UTRN: variants seen among roughly 807,000 people sequenced by gnomAD.
UTRN encodes dystrophin-related protein 1.
Under a neutral mutation model 463.9 loss-of-function variants are expected in UTRN, and 283 were observed. That is an observed-to-expected ratio of 0.61 (90% CI 0.55 to 0.67). The LOEUF is 0.67. Among genes scored for constraint, UTRN ranks in the 30% least tolerant of loss-of-function variants. UTRN has a pLI of 0.00. For synonymous variants in UTRN, 1,442 were observed against 1,431.5 expected (o/e 1.01, Z -0.17); for missense variants, 3,922 against 4,084.3 (o/e 0.96, Z 1.08).
chr6:144,657,502 C>G (rs923708745), intron 51 of UTRN, among the ~76,000 whole-genome samples: 1 of 152,100 alleles, frequency 6.6e-6, no homozygotes, highest in Non-Finnish European at 1.5e-5. Context: ...ACTTATCAGG[C>G]TGATAAAAGT....
chr6:144,716,039 TTACA>T (rs372189883), intron 53 of UTRN, among the ~76,000 whole-genome samples: 109 of 152,286 alleles, frequency 7.2e-4, no homozygotes, highest in African/African-American at 2.4e-3. Flanking sequence ...ATCATTTCAG[TTACA>T]TGACATATTT....
At chr6:144,437,804 T>C (rs1273146553) in intron 11 of UTRN, 58 bp downstream of exon 11, 4 of 1,529,752 alleles carry the variant, frequency 2.6e-6, no homozygotes, top group Non-Finnish European at 3.5e-6. Flanking sequence ...ACAGTTGAGC[T>C]CTAGTAGATG....
rs555568354 is a variant in UTRN, at chr6:144,812,170, C to T, written c.9358-8712C>T. On this transcript the variant is annotated intron_variant, in intron 65 of 74. Coordinates refer to ENST00000367545, the MANE Select transcript of UTRN (RefSeq NM_007124.3). ...TTGTTTTGTTTCTTTATTTGTGGTT[C>T]TTTATCTTGTTTTGTTTAAATTGTT... Among the ~76,000 whole-genome samples, 302 of 151,890 alleles carry T rather than the reference C, an allele frequency of 2.0e-3. 4 individuals carry two copies. Among genetic ancestry groups the T allele is most frequent in the Admixed American group, 7.9e-3 (121 of 15,230 alleles).
chr6:144,499,578 A>C, intron 34 of UTRN, 151 bp downstream of exon 34: 1 of 469,818 alleles, frequency 2.1e-6, no homozygotes, highest in African/African-American at 2.0e-5. Context: ...GTCCTAAGAA[A>C]AAATATTTTA....
intron 36 of UTRN, among the ~76,000 whole-genome samples, 194 bp downstream of exon 36, chr6:144,514,231 A>G (rs1795416565): frequency 6.6e-6 from 1 of 152,244 alleles, no homozygotes; most frequent in Non-Finnish European, 1.5e-5. Flanking sequence ...AAGACTTGTA[A>G]GAGATTTCAG....
Position 144,636,265 on chromosome 6 carries a change from A to G in UTRN, c.7480-42141A>G, listed in dbSNP as rs539446616. 5.9e-5 allele frequency among the ~76,000 whole-genome samples: 9 copies of G among 152,284 alleles called. No homozygotes were observed. In the South Asian group the frequency reaches 8.3e-4, roughly 14 times the overall value. On this transcript the variant is annotated intron_variant, in intron 51 of 74. Transcript: ENST00000367545. Reference sequence around the variant, plus strand: ...AAGGACATAGATGAAGCTGGAAACCATCATTCTCAGCAAACTCACACAGGA... The same window carrying G: ...AAGGACATAGATGAAGCTGGAAACCGTCATTCTCAGCAAACTCACACAGGA...
chr6:144,794,543 G>A (rs566486026), intron 63 of UTRN, among the ~76,000 whole-genome samples: 1 of 152,104 alleles, frequency 6.6e-6, no homozygotes, highest in African/African-American at 2.4e-5. Context: ...CATACTCAGT[G>A]CAATTATAAT....
intron 51 of UTRN, among the ~76,000 whole-genome samples, chr6:144,603,960 G>A (rs1025114118): frequency 3.3e-5 from 5 of 152,208 alleles, no homozygotes; most frequent in African/African-American, 9.6e-5. Flanking sequence ...TGAATTATAG[G>A]GGTGTGTTTG....
chr6:144,732,420 C>A (rs1788791917), intron 54 of UTRN, among the ~76,000 whole-genome samples: 1 of 151,654 alleles, frequency 6.6e-6, no homozygotes, highest in African/African-American at 2.4e-5. Flanking sequence ...TAGGCAGAAT[C>A]TGTTGCTACT....
intron 50 of UTRN, among the ~76,000 whole-genome samples, chr6:144,567,288 G>T (rs988955725): frequency 1.3e-5 from 2 of 152,174 alleles, no homozygotes; most frequent in African/African-American, 4.8e-5. Flanking sequence ...GTGGAAGAAG[G>T]GTTGGGGAGT....
chr6:144,850,701 C>T (rs181451884), intron 74 of UTRN, among the ~76,000 whole-genome samples: 1 of 152,252 alleles, frequency 6.6e-6, no homozygotes, highest in Non-Finnish European at 1.5e-5. Flanking sequence ...ATTCGCTCAC[C>T]ATTGGTACCT....
At chr6:144,782,843 A>T (rs1775963949) in intron 61 of UTRN, among the ~76,000 whole-genome samples, 2 of 152,248 alleles carry the variant, frequency 1.3e-5, no homozygotes, top group South Asian at 4.1e-4. Flanking sequence ...CATTTCTGAA[A>T]CATTAGGAAT....
At chr6:144,453,961 T>C in intron 19 of UTRN, 92 bp downstream of exon 19, 1 of 1,030,676 alleles carries the variant, frequency 9.7e-7, no homozygotes, top group Non-Finnish European at 1.4e-6. Context: ...GCTTTAATAC[T>C]CGAATCCTCT....
At chr6:144,449,384 G>GT (rs1234428256) in intron 17 of UTRN, among the ~76,000 whole-genome samples, 1 of 152,110 alleles carries the variant, frequency 6.6e-6, no homozygotes, top group Non-Finnish European at 1.5e-5. Context: ...TGTGGTGGTG[G>GT]TTTTTACCAG....
rs573562567 is a variant in UTRN at position 144,772,703 on chromosome 6, G to A, written c.8557+735G>A. Among the ~76,000 whole-genome samples, 6 of 152,218 alleles carry A rather than the reference G, an allele frequency of 3.9e-5. No homozygotes were observed. In the South Asian group the frequency reaches 1.2e-3, roughly 32 times the overall value. On this transcript the variant is annotated intron_variant, in intron 59 of 74. Transcript: ENST00000367545. Reference sequence around the variant, plus strand: ...AAATTAGCTCACCTAGTTTAAATTTGTCTAAATTGTTAAAAGCTAAATTCA... The same window carrying A: ...AAATTAGCTCACCTAGTTTAAATTTATCTAAATTGTTAAAAGCTAAATTCA...
At chr6:144,371,907 C>T (rs1242170362) in intron 2 of UTRN, among the ~76,000 whole-genome samples, 1 of 152,204 alleles carries the variant, frequency 6.6e-6, no homozygotes, top group Non-Finnish European at 1.5e-5. Context: ...TAACAAAACA[C>T]CCACTGTGAC....
chr6:144,450,733 A>T (rs921218733), intron 17 of UTRN, among the ~76,000 whole-genome samples: 7 of 152,218 alleles, frequency 4.6e-5, no homozygotes, highest in African/African-American at 1.7e-4. Flanking sequence ...TTCTTTGCTG[A>T]TTATCTAACC....
In UTRN at chr6:144,577,126, G is replaced by A. The variant is rs1801514996; in HGVS notation, c.7317G>A (p.Glu2439=). The change falls in exon 51 of 75, where the codon GAG becomes GAA. Residue 2439 remains glutamate, a synonymous_variant. Coordinates refer to ENST00000367545, the MANE Select transcript of UTRN (RefSeq NM_007124.3). ...TTGCTGACAGACAGAACGCCTTGGA[G>A]GCTGAGTGGAGGACGGTGCAGGCCT... is the stretch of plus-strand genomic sequence containing the variant. The part of the protein sequence containing the change: ...QSIADRQNAL[E]AEWRTVQASR... 6.2e-7 allele frequency: 1 copy of A among 1,613,780 alleles called. No homozygotes were observed. Among genetic ancestry groups the A allele is most frequent in the East Asian group, 2.2e-5 (1 of 44,834 alleles).
At chr6:144,776,383 G>C (rs1024566379) in intron 60 of UTRN, among the ~76,000 whole-genome samples, 2 of 152,136 alleles carry the variant, frequency 1.3e-5, no homozygotes, top group South Asian at 4.1e-4. Flanking sequence ...CATCTCCACT[G>C]TGAACTACTT....
Sources: allele counts gnomAD v4.1 joint callset (sites outside exome capture counted in the v4.1 genomes callset), GRCh38; gene constraint gnomAD v4.1.1; transcripts MANE v1.5; gene names NCBI Gene and HGNC (gene_info 2026-07-23, HGNC 2026-07-21).